ZNF318: variants seen among roughly 807,000 people sequenced by gnomAD.
ZNF318 encodes the protein zinc finger protein 318.
In ZNF318, 51 loss-of-function variants were observed where a neutral mutation model predicts 124.2. The observed-to-expected ratio is 0.41, with a 90% CI of 0.33 to 0.52. The LOEUF is 0.52. Ranked by LOEUF, ZNF318 falls within the 20% of genes least tolerant of loss-of-function variation. The probability of loss-of-function intolerance (pLI) is 0.23; values close to 1 mark genes in which losing one functional copy is unlikely to be tolerated. For synonymous variants in ZNF318, 1,090 were observed against 1,040.7 expected (o/e 1.05, Z -0.91); for missense variants, 2,815 against 2,811.2 (o/e 1.00, Z -0.03).
chr6:43,369,019 G>A lies in ZNF318; in HGVS notation c.347C>T (p.Ala116Val), dbSNP rs1214501507. The part of the protein sequence containing the change: ...FRGSSRGESR[A>V]DYARDGRGDH... ...TCCGCGGCCGTCCCGGGCATAGTCG[G>A]CGCGGGACTCCCCCCGGCTGCTGCC... The change falls in exon 1 of 10, where the codon GCC becomes GTC. Residue 116 changes from alanine (A) to valine (V), a missense_variant. Ala to Val is a moderately conservative substitution (Grantham distance 64). Transcript: ENST00000361428. The A allele has an allele frequency of 4.9e-6, 7 of 1,435,212 alleles. No individual in the cohort carries two copies. In the Admixed American group the frequency reaches 1.7e-4, roughly 36 times the overall value. 88.9% of individuals were successfully genotyped at this position (1,435,212 alleles called of 1,614,324 possible).
chr6:43,369,464 G>C lies in ZNF318; in HGVS notation c.-99C>G. ...CGCAGCTGCAGCCGCCGCCACCTCG[G>C]CCGCTGCGCGCCGCCTCAGCCGCGG... On this transcript the variant is annotated 5_prime_UTR_variant, in exon 1 of 10. Transcript: ENST00000361428. 1.0e-6 allele frequency: 1 copy of C among 974,122 alleles called. No individual in the cohort carries two copies. The highest frequency in any genetic ancestry group is 1.7e-5 in the African/African-American group (1 of 57,386). The allele number at this position is 974,122 out of a possible 1,614,324, so 60.3% of individuals were successfully genotyped here.
In ZNF318 at chr6:43,340,050, C is replaced by G; in HGVS notation, c.3948G>C (p.Lys1316Asn). 6.2e-7 allele frequency: 1 copy of G among 1,614,202 alleles called. No homozygotes were observed. Among genetic ancestry groups the G allele is most frequent in the Non-Finnish European group, 8.5e-7 (1 of 1,180,036 alleles). ...DKEDGKTEAGKAKPIKIKLSG... is the reference protein window; with the variant it reads ...DKEDGKTEAGNAKPIKIKLSG... Reference sequence around the variant, plus strand: ...AGAGCTTGATTTTGATAGGCTTTGCCTTCCCAGCTTCAGTTTTGCCATCCT... The same window carrying G: ...AGAGCTTGATTTTGATAGGCTTTGCGTTCCCAGCTTCAGTTTTGCCATCCT... The change falls in exon 10 of 10, where the codon AAG (lysine) becomes AAC (asparagine). Residue 1316 changes from lysine to asparagine, a missense_variant. Lys to Asn is a moderately conservative substitution (Grantham distance 94). Transcript: ENST00000361428.
Position 43,355,233 on chromosome 6 carries a change from C to A in ZNF318, c.2101G>T (p.Asp701Tyr). 6.2e-7 allele frequency: 1 copy of A among 1,614,146 alleles called. No individual in the cohort carries two copies. Among genetic ancestry groups the A allele is most frequent in the Non-Finnish European group, 8.5e-7 (1 of 1,180,030 alleles). The change falls in exon 4 of 10, where the codon GAT (aspartate) becomes TAT (tyrosine). Residue 701 changes from aspartate (D) to tyrosine (Y), a missense_variant. Physicochemically the swap from Asp to Tyr is radical, Grantham distance 160. This residue lies in a region of ZNF318 where 1,377 missense variants were observed against 1,353.5 expected (regional missense o/e 1.02). Coordinates refer to ENST00000361428, the MANE Select transcript of ZNF318 (RefSeq NM_014345.3). ...CTGTTTTTTGTGAGCAGGTAAGGAT[C>A]CACAGGAGAAGGTGGGTGTGGATGG... ...VSHPHPPSPVDPYLLTKNSPP... is the reference protein window; with the variant it reads ...VSHPHPPSPVYPYLLTKNSPP...
intron 8 of ZNF318, 60 bp downstream of exon 8, chr6:43,342,052 G>T: frequency 6.9e-7 from 1 of 1,441,516 alleles, no homozygotes; most frequent in Non-Finnish European, 9.8e-7. Flanking sequence ...GTTAGTTCAG[G>T]GACACCTCTT....
At position 43,341,026 on chromosome 6, in the gene ZNF318, C is replaced by G. The variant is rs1045468847; in HGVS notation, c.3377-118G>C. On this transcript the variant is annotated intron_variant, in intron 8 of 9. Coordinates refer to ENST00000361428, the MANE Select transcript of ZNF318 (RefSeq NM_014345.3). Reference sequence around the variant, plus strand: ...TGGTTACAGTATAGAGGGCCTTACCCACTTTGAAGTCAGAAGCAGTATTTA... The same window carrying G: ...TGGTTACAGTATAGAGGGCCTTACCGACTTTGAAGTCAGAAGCAGTATTTA... 5 of 719,272 alleles carry G rather than the reference C, an allele frequency of 7.0e-6. No individual in the cohort carries two copies. The African/African-American group carries it at 8.9e-5, about 13-fold the overall frequency. The allele number at this position is 719,272 out of a possible 1,614,324, so 44.6% of individuals were successfully genotyped here. A position where few individuals can be genotyped will look rare whatever the true frequency, so the allele number is the denominator to read the frequency against.
chr6:43,366,724 T>A (rs1779765811), intron 1 of ZNF318, among the ~76,000 whole-genome samples: 1 of 152,194 alleles, frequency 6.6e-6, no homozygotes, highest in African/African-American at 2.4e-5. Context: ...GAGGATCGCT[T>A]GAGCGTGGGA....
At chr6:43,349,239 T>A (rs901504627) in intron 5 of ZNF318, among the ~76,000 whole-genome samples, 1 of 152,194 alleles carries the variant, frequency 6.6e-6, no homozygotes, top group Non-Finnish European at 1.5e-5. Context: ...TCAAAAACAT[T>A]AATAAGTGTT....
Position 43,369,165 on chromosome 6 carries a change from C to T in ZNF318, c.201G>A (p.Arg67=). 8.3e-7 allele frequency: 1 copy of T among 1,210,470 alleles called. No homozygotes were observed. Among genetic ancestry groups the T allele is most frequent in the Non-Finnish European group, 1.0e-6 (1 of 974,714 alleles). The allele number at this position is 1,210,470 out of a possible 1,614,324, so 75.0% of individuals were successfully genotyped here. Residue 67 remains arginine, a synonymous_variant, in exon 1 of 10, where the codon CGG becomes CGA. Transcript: ENST00000361428. ...GACCCCGTGGCGGGGACGGCGAGGC[C>T]CGGCGGCCGCGGTGCCCTGAGGGCG... is the stretch of plus-strand genomic sequence containing the variant. The part of the protein sequence containing the change: ...PRSPSGHRGR[R]ASPSPPRGRR...
Position 43,369,350 on chromosome 6 carries a change from C to T in ZNF318, c.16G>A (p.Ala6Thr). 1 of 1,332,730 alleles carries T rather than the reference C, an allele frequency of 7.5e-7. No homozygotes were observed. The allele number at this position is 1,332,730 out of a possible 1,614,324, so 82.6% of individuals were successfully genotyped here. ...CGGTGGGAAGAGACGGAGGAGCGAGCGCTGCTGCGGTACATGGTTCTTGCA... is the reference window on the plus strand; with the variant it reads ...CGGTGGGAAGAGACGGAGGAGCGAGTGCTGCTGCGGTACATGGTTCTTGCA... MYRSS[A>T]RSSVSSHRPK... The change falls in exon 1 of 10, where the codon GCT (alanine) becomes ACT (threonine). Residue 6 changes from alanine (A) to threonine (T), a missense_variant. This residue lies in a region of ZNF318 where 1,377 missense variants were observed against 1,353.5 expected (regional missense o/e 1.02). Transcript: ENST00000361428.
Position 43,340,281 on chromosome 6 carries a change from C to T in ZNF318, c.3717G>A (p.Glu1239=). 1 of 1,613,990 alleles carries T rather than the reference C, an allele frequency of 6.2e-7. No homozygotes were observed. Among genetic ancestry groups the T allele is most frequent in the African/African-American group, 1.3e-5 (1 of 74,990 alleles). ...VSEKLEDQLS[E]GRNSPEKAEN... The stretch of plus-strand genomic sequence containing the variant: ...CAGCTTTTTCAGGGGAGTTCCTACC[C>T]TCAGAGAGTTGGTCTTCTAATTTCT... Residue 1239 remains glutamate (E), a synonymous_variant, in exon 10 of 10, where the codon GAG becomes GAA. Coordinates refer to ENST00000361428, the MANE Select transcript of ZNF318 (RefSeq NM_014345.3).
chr6:43,352,609 T>A, intron 4 of ZNF318, 133 bp from the exon 5 acceptor site: 1 of 730,826 alleles, frequency 1.4e-6, no homozygotes, highest in Non-Finnish European at 2.3e-6. Context: ...GCTCTGACCT[T>A]ACTGTCAAAG....
At chr6:43,346,333 T>C (rs933523223) in intron 6 of ZNF318, among the ~76,000 whole-genome samples, 1 of 151,590 alleles carries the variant, frequency 6.6e-6, no homozygotes, top group Non-Finnish European at 1.5e-5. Context: ...ATATAAAAAT[T>C]AGCCGGGCGT....
In ZNF318 at chr6:43,355,475, T is replaced by C. The variant is rs1175125243; in HGVS notation, c.1859A>G (p.His620Arg). The change falls in exon 4 of 10, where the codon CAT becomes CGT. Residue 620 changes from histidine to arginine, a missense_variant. By Grantham distance (29) the His-to-Arg change is conservative. This residue lies in a region of ZNF318 where 1,377 missense variants were observed against 1,353.5 expected (regional missense o/e 1.02). Transcript: ENST00000361428. ...GGAGCGTAATGATGGCTTCTTGCCA[T>C]GAAGTCGTTCCTGGGTGCGTGCAGC... Reference protein sequence around the residue: ...QLAARTQERLHGKKPSLRSSA... With the variant: ...QLAARTQERLRGKKPSLRSSA... 1.9e-6 allele frequency: 3 copies of C among 1,614,226 alleles called. No individual in the cohort carries two copies. The highest frequency in any genetic ancestry group is 2.2e-5 in the South Asian group (2 of 91,090).
In ZNF318 at chr6:43,339,046, A is replaced by G; in HGVS notation, c.4952T>C (p.Val1651Ala). 1.2e-6 allele frequency: 2 copies of G among 1,614,184 alleles called. No individual in the cohort carries two copies. The highest frequency in any genetic ancestry group is 1.7e-6 in the Non-Finnish European group (2 of 1,180,028). Residue 1651 changes from valine (V) to alanine (A), a missense_variant, in exon 10 of 10, where the codon GTG (valine) becomes GCG (alanine). Val to Ala is a moderately conservative substitution (Grantham distance 64, BLOSUM62 0). Transcript: ENST00000361428. This position sits in a 1 kb window ranked among gnomAD's most constrained non-coding sequence, Gnocchi z 4.2. ...NSEKPIAKTL[V>A]ALGKWSVVEH... The stretch of plus-strand genomic sequence containing the variant: ...TACAACTGACCATTTCCCTAGGGCC[A>G]CCAGAGTTTTTGCAATGGGCTTTTC...
At chr6:43,348,235 T>A in intron 6 of ZNF318, 89 bp downstream of exon 6, 1 of 1,306,392 alleles carries the variant, frequency 7.7e-7, no homozygotes, top group Non-Finnish European at 1.1e-6. Context: ...TAAGAACAGT[T>A]TGAAAACCTA....
Position 43,348,640 on chromosome 6 carries a change from G to T in ZNF318, c.2771-15C>A, listed in dbSNP as rs1779482845. 2.5e-6 allele frequency: 4 copies of T among 1,605,114 alleles called. No individual in the cohort carries two copies. The highest frequency in any genetic ancestry group is 1.7e-4 in the Middle Eastern group (1 of 6,028). On this transcript the variant is annotated splice_polypyrimidine_tract_variant and intron_variant, in intron 5 of 9. Transcript: ENST00000361428. ...CAGCATTTCTCCTGAGCAATCAAAT[G>T]TCAACAAAAAGAAGCACAGGGAAAA... is the stretch of plus-strand genomic sequence containing the variant.
chr6:43,346,292 C>A (rs1313944069), intron 6 of ZNF318, among the ~76,000 whole-genome samples: 1 of 150,692 alleles, frequency 6.6e-6, no homozygotes, highest in African/African-American at 2.4e-5. Flanking sequence ...ACCAGCCTGG[C>A]CAATATGGTG....
intron 6 of ZNF318, among the ~76,000 whole-genome samples, chr6:43,344,562 C>A (rs901059049): frequency 6.6e-6 from 1 of 152,140 alleles, no homozygotes; most frequent in Non-Finnish European, 1.5e-5. Flanking sequence ...CGGCATACAG[C>A]GTTGAATATC....
At chr6:43,367,568 G>A (rs1367367757) in intron 1 of ZNF318, among the ~76,000 whole-genome samples, 1 of 152,170 alleles carries the variant, frequency 6.6e-6, no homozygotes, top group Non-Finnish European at 1.5e-5. Flanking sequence ...GAGGTAATCT[G>A]ACAAATTAGA....
Sources: allele counts gnomAD v4.1 joint callset (sites outside exome capture counted in the v4.1 genomes callset), GRCh38; gene constraint gnomAD v4.1.1; regional missense constraint gnomAD v4.1.1; non-coding constraint Gnocchi (gnomAD v3.1); transcripts MANE v1.5; gene names NCBI Gene and HGNC (gene_info 2026-07-23, HGNC 2026-07-21).